The following PKP4 variants were observed in gnomAD, a reference collection of about 807,000 sequenced individuals.
PKP4 encodes the protein plakophilin 4.
PKP4 carries 90 observed loss-of-function variants against 145.1 expected under a neutral mutation model. The observed-to-expected ratio is 0.62, with a 90% confidence interval of 0.52 to 0.74. The LOEUF (loss-of-function observed/expected upper bound fraction) is 0.74. PKP4 is among the 30% of genes least tolerant of loss of function. The pLI is 0.00. For synonymous variants in PKP4, 563 were observed against 577.2 expected (o/e 0.98, Z 0.35); for missense variants, 1,340 against 1,482.7 (o/e 0.90, Z 1.58).
chr2:158,516,263 C>T (rs2105546271), intron 1 of PKP4, among the ~76,000 whole-genome samples: 1 of 152,130 alleles, frequency 6.6e-6, no homozygotes, highest in Non-Finnish European at 1.5e-5. Flanking sequence ...TGAAATTCTG[C>T]ATTTCTTACA....
chr2:158,625,854 T>C (rs2052727468), intron 7 of PKP4, among the ~76,000 whole-genome samples: 2 of 152,196 alleles, frequency 1.3e-5, no homozygotes, highest in South Asian at 2.1e-4. Flanking sequence ...ATTTTTTCTT[T>C]AGAAATGCTT....
At chr2:158,629,265 G>A (rs2053121046) in intron 7 of PKP4, among the ~76,000 whole-genome samples, 1 of 152,112 alleles carries the variant, frequency 6.6e-6, no homozygotes, top group Non-Finnish European at 1.5e-5. Context: ...GTGGAGTTCA[G>A]ACTTTTCCTC....
chr2:158,497,054 T>G (rs1695850313), intron 1 of PKP4, among the ~76,000 whole-genome samples: 2 of 152,122 alleles, frequency 1.3e-5, no homozygotes, highest in South Asian at 2.1e-4. Context: ...ATTATACAGG[T>G]GTGCCACGAT....
Position 158,523,690 on chromosome 2 carries a change from C to T in PKP4, c.-5-9490C>T, listed in dbSNP as rs1159850849. 1.3e-3 allele frequency among the ~76,000 whole-genome samples: 168 copies of T among 132,440 alleles called. 1 individual carries two copies. The highest frequency in any genetic ancestry group is 4.7e-3 in the African/African-American group (153 of 32,342). The allele number at this position is 132,440 out of a possible 152,430, so 86.9% of individuals were successfully genotyped here. A position where few individuals can be genotyped will look rare whatever the true frequency, so the allele number is the denominator to read the frequency against. On this transcript the variant is annotated intron_variant, in intron 1 of 21. Coordinates refer to ENST00000389759, the MANE Select transcript of PKP4 (RefSeq NM_003628.6). ...CAGACGATCAAATTACTCTGAGCTACGGGAGGACATTCAAACCAAAGGCAA... is the reference window on the plus strand; with the variant it reads ...CAGACGATCAAATTACTCTGAGCTATGGGAGGACATTCAAACCAAAGGCAA...
chr2:158,570,203 A>G (rs1223919390), intron 2 of PKP4, among the ~76,000 whole-genome samples: 1 of 152,208 alleles, frequency 6.6e-6, no homozygotes, highest in African/African-American at 2.4e-5. Context: ...GACCTTTGTA[A>G]ATATGACTAC....
At chr2:158,548,741 G>C in intron 2 of PKP4, 1 of 301,898 alleles carries the variant, frequency 3.3e-6, no homozygotes, top group Non-Finnish European at 6.1e-6. Context: ...GTACTGACCA[G>C]AGACAAAGCA....
At chr2:158,677,590 CCTGT>C (rs1313193688) in intron 20 of PKP4, among the ~76,000 whole-genome samples, 7 of 152,168 alleles carry the variant, frequency 4.6e-5, no homozygotes, top group African/African-American at 1.7e-4. Flanking sequence ...TTTTCTCAAA[CCTGT>C]CTATTAAAAA....
chr2:158,665,265 G>A (rs1005007343), intron 15 of PKP4, among the ~76,000 whole-genome samples: 3 of 152,152 alleles, frequency 2.0e-5, no homozygotes, highest in Non-Finnish European at 4.4e-5. Flanking sequence ...GTTTCAGAGA[G>A]AAGTTCATAA....
chr2:158,613,080 T>C (rs1002841821), intron 4 of PKP4, among the ~76,000 whole-genome samples: 4 of 152,172 alleles, frequency 2.6e-5, no homozygotes, highest in African/African-American at 9.7e-5. Context: ...TACACACTGC[T>C]ATACTTCAGA....
intron 2 of PKP4, among the ~76,000 whole-genome samples, chr2:158,570,538 G>T (rs1259647900): frequency 6.6e-6 from 1 of 152,150 alleles, no homozygotes; most frequent in Admixed American, 6.5e-5. Context: ...AACAACAATT[G>T]AAATAAAAAT....
At chr2:158,619,972 A>G (rs903159798) in intron 4 of PKP4, among the ~76,000 whole-genome samples, 1 of 152,018 alleles carries the variant, frequency 6.6e-6, no homozygotes, top group African/African-American at 2.4e-5. Flanking sequence ...ACCTTCTCTC[A>G]TAACTGCATA....
At chr2:158,657,337 G>T (rs1461872789) in intron 11 of PKP4, among the ~76,000 whole-genome samples, 1 of 152,074 alleles carries the variant, frequency 6.6e-6, no homozygotes, top group African/African-American at 2.4e-5. Flanking sequence ...AAAAATTAAG[G>T]CCCTCTAATA....
chr2:158,646,132 T>A (rs1331147000), intron 11 of PKP4, among the ~76,000 whole-genome samples: 2 of 152,228 alleles, frequency 1.3e-5, no homozygotes, highest in Admixed American at 1.3e-4. Flanking sequence ...GAAGTACCTC[T>A]GATATTTGTC....
At position 158,666,489 on chromosome 2, in the gene PKP4, A is replaced by G. The variant is rs2057097767; in HGVS notation, c.2654A>G (p.Asn885Ser). Residue 885 changes from asparagine to serine, a missense_variant, in exon 16 of 22, where the codon AAC becomes AGC. Coordinates refer to ENST00000389759, the MANE Select transcript of PKP4 (RefSeq NM_003628.6). ...CTTGTGGAGCTTCTGAGAATGGATA[A>G]CGATAGAGTTGTTTCTTCCGTGGCA... ...PILVELLRMD[N>S]DRVVSSVATA... 6.2e-7 allele frequency: 1 copy of G among 1,613,566 alleles called. No homozygotes were observed. The highest frequency in any genetic ancestry group is 8.5e-7 in the Non-Finnish European group (1 of 1,179,804).
chr2:158,552,951 C>A (rs952512608), intron 2 of PKP4, among the ~76,000 whole-genome samples: 1 of 152,054 alleles, frequency 6.6e-6, no homozygotes, highest in Non-Finnish European at 1.5e-5. Context: ...GTAAAAGATG[C>A]GATAGCCACA....
intron 3 of PKP4, among the ~76,000 whole-genome samples, chr2:158,592,742 T>C (rs989489130): frequency 1.3e-5 from 2 of 152,166 alleles, no homozygotes; most frequent in Admixed American, 6.5e-5. Flanking sequence ...GGGGAATAAA[T>C]GTTTAATTAC....
chr2:158,525,555 A>C lies in PKP4; in HGVS notation c.-5-7625A>C, dbSNP rs2042838273. Among the ~76,000 whole-genome samples the C allele has an allele frequency of 3.8e-5, 2 of 53,110 alleles. 1 individual carries two copies. The highest frequency in any genetic ancestry group is 2.8e-3 in the South Asian group (2 of 726). 34.8% of individuals were successfully genotyped at this position (53,110 alleles called of 152,430 possible). A position where few individuals can be genotyped will look rare whatever the true frequency, so the allele number is the denominator to read the frequency against. On this transcript the variant is annotated intron_variant, in intron 1 of 21. Coordinates refer to ENST00000389759, the MANE Select transcript of PKP4 (RefSeq NM_003628.6). The stretch of plus-strand genomic sequence containing the variant: ...AGGAAAGATCCAAAATTGACACCCT[A>C]ACATCACAATTAAAAGAACTAGAAA...
At chr2:158,515,953 G>A (rs1355931288) in intron 1 of PKP4, among the ~76,000 whole-genome samples, 1 of 152,078 alleles carries the variant, frequency 6.6e-6, no homozygotes, top group Non-Finnish European at 1.5e-5. Flanking sequence ...GGCTGAGGTG[G>A]CAGGATCGTG....
chr2:158,484,305 C>G (rs1693847290), intron 1 of PKP4, among the ~76,000 whole-genome samples: 1 of 152,136 alleles, frequency 6.6e-6, no homozygotes, highest in African/African-American at 2.4e-5. Context: ...CCTCGGCCTC[C>G]CAAAGTGCTG....
Sources: gnomAD v4.1 joint callset for allele counts (sites outside exome capture counted in the v4.1 genomes callset) on GRCh38, gnomAD v4.1.1 for gene constraint, MANE v1.5 for transcripts, NCBI Gene and HGNC (gene_info 2026-07-23, HGNC 2026-07-21) for gene names.